Variants in TRAPPC13 observed in about 807,000 individuals in gnomAD.
The protein encoded by TRAPPC13 is REV7-interacting novel NHEJ regulator 1.
A neutral mutation model predicts 54.0 loss-of-function variants in TRAPPC13; 39 were observed. That is an observed-to-expected ratio of 0.72 (90% CI 0.56 to 0.94). The LOEUF (loss-of-function observed/expected upper bound fraction) is 0.94. TRAPPC13 is among the 40% of genes least tolerant of loss of function. The pLI, the probability that TRAPPC13 is intolerant of heterozygous loss-of-function variation, is 0.00. For missense variants in TRAPPC13, 386 were observed against 488.1 expected (o/e 0.79, Z 1.97); for synonymous variants, 148 against 167.7 (o/e 0.88, Z 0.91).
At chr5:65,653,500 A>G (rs544803747) in intron 7 of TRAPPC13, among the ~76,000 whole-genome samples, 39 of 152,320 alleles carry the variant, frequency 2.6e-4, no homozygotes, top group South Asian at 6.2e-4. Context: ...GCAAAGACCT[A>G]TTAGGAGAAA....
chr5:65,657,315 G>T (rs1186053094), intron 8 of TRAPPC13, among the ~76,000 whole-genome samples: 4 of 152,154 alleles, frequency 2.6e-5, no homozygotes, highest in Admixed American at 6.5e-5. Context: ...CCGGGAGGCG[G>T]AGGTTGCAGT....
At chr5:65,650,988 A>G in intron 6 of TRAPPC13, 106 bp downstream of exon 6, 1 of 773,768 alleles carries the variant, frequency 1.3e-6, no homozygotes, top group Non-Finnish European at 2.2e-6. Flanking sequence ...AAATAAAGCA[A>G]ATAGCTCAAT....
At chr5:65,627,058 G>A (rs1174622215) in intron 1 of TRAPPC13, among the ~76,000 whole-genome samples, 1 of 147,938 alleles carries the variant, frequency 6.8e-6, no homozygotes, top group Non-Finnish European at 1.5e-5. Context: ...CTTGAACCTG[G>A]GAGGCAGAGG....
intron 1 of TRAPPC13, chr5:65,629,616 G>A (rs1259866195): frequency 7.2e-6 from 11 of 1,534,640 alleles, no homozygotes; most frequent in South Asian, 2.4e-5. Flanking sequence ...TTACATTATC[G>A]ACCATGTGAG....
In TRAPPC13 at chr5:65,664,706, T is replaced by C; in HGVS notation, c.*95T>C. On this transcript the variant is annotated 3_prime_UTR_variant, in exon 13 of 13. Coordinates refer to ENST00000399438, the MANE Select transcript of TRAPPC13 (RefSeq NM_024941.4). ...GATGACGTCAACAACGAAGTAAATA[T>C]GTTACTTAAATTTTCTTTCCTGTAA... is the stretch of plus-strand genomic sequence containing the variant. The C allele has an allele frequency of 1.2e-6, 1 of 852,750 alleles. No homozygotes were observed. The highest frequency in any genetic ancestry group is 1.9e-6 in the Non-Finnish European group (1 of 538,066). 52.8% of individuals were successfully genotyped at this position (852,750 alleles called of 1,614,324 possible). A position where few individuals can be genotyped will look rare whatever the true frequency, so the allele number is the denominator to read the frequency against.
intron 2 of TRAPPC13, 88 bp from the exon 3 acceptor site, chr5:65,635,856 T>G: frequency 1.3e-6 from 1 of 790,048 alleles, no homozygotes; most frequent in South Asian, 2.2e-5. Flanking sequence ...GGTTGTTTTT[T>G]AAAATATCTC....
chr5:65,631,358 C>T (rs908565055), intron 1 of TRAPPC13, among the ~76,000 whole-genome samples: 1 of 152,074 alleles, frequency 6.6e-6, no homozygotes, highest in Non-Finnish European at 1.5e-5. Flanking sequence ...AATGGAAGCC[C>T]ACTAATTTTT....
chr5:65,664,207 T>A, intron 11 of TRAPPC13, 30 bp from the exon 12 acceptor site: 2 of 1,603,130 alleles, frequency 1.2e-6, no homozygotes, highest in Non-Finnish European at 1.7e-6. Context: ...TGAACAAGAT[T>A]TATTCCTATT....
At chr5:65,626,898 T>C (rs987483447) in intron 1 of TRAPPC13, among the ~76,000 whole-genome samples, 4 of 151,824 alleles carry the variant, frequency 2.6e-5, no homozygotes, top group Admixed American at 2.0e-4. Flanking sequence ...AATAGCACTT[T>C]GGGAGGCCGA....
chr5:65,649,738 T>C (rs1255335492), intron 5 of TRAPPC13, among the ~76,000 whole-genome samples: 1 of 152,220 alleles, frequency 6.6e-6, no homozygotes, highest in African/African-American at 2.4e-5. Context: ...CTCGTATTGT[T>C]ACAAGTATTT....
At chr5:65,626,014 C>G (rs1755210005) in intron 1 of TRAPPC13, 1 of 152,174 alleles carries the variant, frequency 6.6e-6, no homozygotes, top group African/African-American at 2.4e-5. Context: ...ATAATGATGC[C>G]TGTGTTAGCG....
At chr5:65,632,007 GA>G (rs1755565784) in intron 1 of TRAPPC13, among the ~76,000 whole-genome samples, 1 of 152,044 alleles carries the variant, frequency 6.6e-6, no homozygotes, top group Non-Finnish European at 1.5e-5. Flanking sequence ...AAATAATAGG[GA>G]AGAAATAGAA....
rs190350894 is a variant in TRAPPC13, at chr5:65,632,361, G to A, written c.47-2940G>A. On this transcript the variant is annotated intron_variant, in intron 1 of 12. Coordinates refer to ENST00000399438, the MANE Select transcript of TRAPPC13 (RefSeq NM_024941.4). ...TCAGGGCACCTTTTTCTCTGTTTTC[G>A]TAGTTAAAAATAAGAGTGAAGGTTG... is the stretch of plus-strand genomic sequence containing the variant. Among the ~76,000 whole-genome samples the A allele has an allele frequency of 2.9e-3, 442 of 152,098 alleles. 4 individuals carry two copies. The highest frequency in any genetic ancestry group is 0.01 in the African/African-American group (435 of 41,500).
intron 4 of TRAPPC13, among the ~76,000 whole-genome samples, chr5:65,644,881 C>CAA (rs34137576): frequency 8.0e-6 from 1 of 124,978 alleles, no homozygotes; most frequent in South Asian, 2.5e-4. Context: ...ACTCCGTCTC[C>CAA]AAAAAAAAAA....
intron 1 of TRAPPC13, chr5:65,634,906 A>G: frequency 1.2e-6 from 1 of 826,170 alleles, no homozygotes; most frequent in Non-Finnish European, 1.4e-6. Flanking sequence ...CAAAAAAAAA[A>G]CAAAAAACAC....
chr5:65,657,453 C>T (rs886404845), intron 8 of TRAPPC13, among the ~76,000 whole-genome samples: 21 of 152,034 alleles, frequency 1.4e-4, no homozygotes, highest in Non-Finnish European at 2.8e-4. Flanking sequence ...GTGTAGTAAA[C>T]ATATTACTAT....
In TRAPPC13 at chr5:65,628,483, G is replaced by A. The variant is rs181820336; in HGVS notation, c.46+3377G>A. Among the ~76,000 whole-genome samples, 8 of 146,424 alleles carry A rather than the reference G, an allele frequency of 5.5e-5. No individual in the cohort carries two copies. In the East Asian group the frequency reaches 1.2e-3, roughly 22 times the overall value. ...ATAATTTTTTTTTTTTTTTTGAGAC[G>A]GAGTCTTGCCCTGTCACCCAGGCTG... is the stretch of plus-strand genomic sequence containing the variant. On this transcript the variant is annotated intron_variant, in intron 1 of 12. Transcript: ENST00000399438.
chr5:65,643,818 GAAA>G (rs529875913), intron 4 of TRAPPC13, among the ~76,000 whole-genome samples: 5,134 of 49,850 alleles, frequency 0.1, 84 homozygotes, highest in Non-Finnish European at 0.15. Flanking sequence ...CTCCGTCTCA[GAAA>G]AAAAAAAAAA....
At chr5:65,640,630 G>A (rs527979411) in intron 4 of TRAPPC13, among the ~76,000 whole-genome samples, 21 of 152,264 alleles carry the variant, frequency 1.4e-4, no homozygotes, top group African/African-American at 3.6e-4. Flanking sequence ...ATATACTTTT[G>A]TCTTTCTATG....
Sources: gnomAD v4.1 joint callset for allele counts (sites outside exome capture counted in the v4.1 genomes callset) on GRCh38, gnomAD v4.1.1 for gene constraint, MANE v1.5 for transcripts, NCBI Gene and HGNC (gene_info 2026-07-23, HGNC 2026-07-21) for gene names.